The following GRID2 variants were observed in gnomAD, a reference collection of about 807,000 sequenced individuals.
GRID2 encodes the protein glutamate ionotropic receptor delta type subunit 2, also known as glutamate receptor ionotropic, delta-2.
A neutral mutation model predicts 114.8 loss-of-function variants in GRID2; 33 were observed. That is an observed-to-expected ratio of 0.29 (90% confidence interval 0.22 to 0.38). The LOEUF (loss-of-function observed/expected upper bound fraction) is 0.38. Ranked by LOEUF, GRID2 falls within the 10% of genes least tolerant of loss-of-function variation. The probability of loss-of-function intolerance (pLI) is 1.00; values close to 1 mark genes in which losing one functional copy is unlikely to be tolerated. For missense variants in GRID2, 1,184 were observed against 1,257.7 expected, an observed-to-expected ratio of 0.94 and a Z score of 0.89; for synonymous variants, 505 against 449.9, an observed-to-expected ratio of 1.12 and a Z score of -1.55.
At chr4:93,793,724 C>G (rs958605964) in intron 1 of GRID2, among the ~76,000 whole-genome samples, 2 of 152,102 alleles carry the variant, frequency 1.3e-5, no homozygotes, top group Non-Finnish European at 2.9e-5. Flanking sequence ...ACACATAAGT[C>G]AAGAAGAATT....
chr4:92,716,952 A>C (rs1735581929), intron 2 of GRID2, among the ~76,000 whole-genome samples: 1 of 152,206 alleles, frequency 6.6e-6, no homozygotes, highest in Non-Finnish European at 1.5e-5. Context: ...AGGAGATGAC[A>C]AGAATCATAA....
At chr4:92,857,862 T>TA (rs1744278737) in intron 2 of GRID2, among the ~76,000 whole-genome samples, 1 of 152,196 alleles carries the variant, frequency 6.6e-6, no homozygotes, top group Non-Finnish European at 1.5e-5. Context: ...CTGACTCTCT[T>TA]GTTATGGGCT....
intron 4 of GRID2, among the ~76,000 whole-genome samples, chr4:93,117,609 C>T (rs1733394937): frequency 6.6e-6 from 1 of 152,090 alleles, no homozygotes; most frequent in Non-Finnish European, 1.5e-5. Flanking sequence ...TCCTCTATGA[C>T]AAGCAAGTGT....
At chr4:93,398,133 G>GTGTGTGTGTATGTA in intron 9 of GRID2, among the ~76,000 whole-genome samples, 4 of 122,348 alleles carry the variant, frequency 3.3e-5, no homozygotes, top group Non-Finnish European at 4.9e-5. Flanking sequence ...ATGTGTGTGT[G>GTGTGTGTGTATGTA]TATATATATA....
At chr4:92,914,928 T>C (rs908704282) in intron 2 of GRID2, among the ~76,000 whole-genome samples, 1 of 152,154 alleles carries the variant, frequency 6.6e-6, no homozygotes, top group African/African-American at 2.4e-5. Flanking sequence ...CCTTTGCATA[T>C]GTATTAGTCT....
At chr4:93,393,955 A>G (rs535730683) in intron 8 of GRID2, among the ~76,000 whole-genome samples, 1 of 152,122 alleles carries the variant, frequency 6.6e-6, no homozygotes, top group South Asian at 2.1e-4. Context: ...TAAGCTTAAA[A>G]TTAAGTTATA....
intron 4 of GRID2, among the ~76,000 whole-genome samples, chr4:93,205,356 G>A (rs527499345): frequency 2.6e-5 from 4 of 152,060 alleles, no homozygotes; most frequent in Admixed American, 2.0e-4. Flanking sequence ...CCCTTCCCGT[G>A]TCCATGTGTT....
intron 13 of GRID2, among the ~76,000 whole-genome samples, chr4:93,606,004 C>T (rs559184492): frequency 4.6e-5 from 7 of 152,244 alleles, no homozygotes; most frequent in East Asian, 1.9e-4. Context: ...TGGTGGCTCA[C>T]GCCTGTAACC....
rs546771319 is a variant in GRID2, at chr4:93,679,974, T to G, written c.2360+53539T>G. On this transcript the variant is annotated intron_variant, in intron 14 of 15. Coordinates refer to ENST00000282020, the MANE Select transcript of GRID2 (RefSeq NM_001510.4). The stretch of plus-strand genomic sequence containing the variant: ...GAGACCAAAAAAACCTTTCAAAAAA[T>G]TAATGAATCCAGGAGCTGGTTTTTT... Among the ~76,000 whole-genome samples, 4 of 151,028 alleles carry G rather than the reference T, an allele frequency of 2.6e-5. No individual in the cohort carries two copies. The East Asian group carries it at 7.7e-4, about 29-fold the overall frequency.
At chr4:92,776,824 G>A (rs1005195749) in intron 2 of GRID2, among the ~76,000 whole-genome samples, 1 of 151,934 alleles carries the variant, frequency 6.6e-6, no homozygotes, top group African/African-American at 2.4e-5. Context: ...TCACTCTAGA[G>A]TATATTAATG....
chr4:92,617,314 C>T (rs772709985), intron 2 of GRID2, among the ~76,000 whole-genome samples: 3 of 151,246 alleles, frequency 2.0e-5, no homozygotes, highest in Non-Finnish European at 3.0e-5. Flanking sequence ...CCTATCAACC[C>T]GTCATCTAGC....
At chr4:93,245,565 G>T (rs189005304) in intron 8 of GRID2, among the ~76,000 whole-genome samples, 142 of 152,184 alleles carry the variant, frequency 9.3e-4, no homozygotes, top group African/African-American at 3.2e-3. Context: ...AAGTTTATTC[G>T]GACCATTAGT....
At chr4:92,715,020 T>C (rs1006265145) in intron 2 of GRID2, among the ~76,000 whole-genome samples, 2 of 152,206 alleles carry the variant, frequency 1.3e-5, no homozygotes, top group African/African-American at 4.8e-5. Flanking sequence ...TTCTATCATA[T>C]TGTCAGGTTG....
chr4:92,328,935 A>G (rs1297531106), intron 1 of GRID2, among the ~76,000 whole-genome samples: 1 of 152,016 alleles, frequency 6.6e-6, no homozygotes, highest in Non-Finnish European at 1.5e-5. Flanking sequence ...TTTTAGCAGA[A>G]AAGAGAAGAT....
At chr4:92,545,870 A>T (rs13122314) in intron 1 of GRID2, among the ~76,000 whole-genome samples, 33,196 of 151,996 alleles carry the variant, frequency 0.22, 3,874 homozygotes, top group South Asian at 0.3. Context: ...GCCTTAAGTA[A>T]AGGCTAACAT....
rs563160146 is a variant in GRID2 at position 93,517,774 on chromosome 4, T to G, written c.2193+2363T>G. On this transcript the variant is annotated intron_variant, in intron 13 of 15. Coordinates refer to ENST00000282020, the MANE Select transcript of GRID2 (RefSeq NM_001510.4). ...CTTGAACATTTCACACAGCAGCTTT[T>G]TATTCTCTGTCATTGATTTCTAATT... Among the ~76,000 whole-genome samples the G allele has an allele frequency of 2.4e-4, 37 of 151,764 alleles. No individual in the cohort carries two copies. In the South Asian group the frequency reaches 7.7e-3, roughly 32 times the overall value.
At chr4:92,362,245 T>C (rs1197068756) in intron 1 of GRID2, among the ~76,000 whole-genome samples, 1 of 151,964 alleles carries the variant, frequency 6.6e-6, no homozygotes, top group Admixed American at 6.6e-5. Context: ...CAGTAGCAAA[T>C]CTTCAAACAG....
chr4:92,877,084 T>TA (rs933681223), intron 2 of GRID2, among the ~76,000 whole-genome samples: 5 of 152,190 alleles, frequency 3.3e-5, no homozygotes, highest in African/African-American at 9.7e-5. Flanking sequence ...CAAATTTTTT[T>TA]AAAAAACTCT....
At chr4:93,598,484 G>A (rs1044073545) in intron 13 of GRID2, among the ~76,000 whole-genome samples, 3 of 152,002 alleles carry the variant, frequency 2.0e-5, no homozygotes, top group African/African-American at 7.2e-5. Context: ...TTTCTAATAG[G>A]TTTCTTGCTG....
Sources: allele counts gnomAD v4.1 joint callset (sites outside exome capture counted in the v4.1 genomes callset), GRCh38; gene constraint gnomAD v4.1.1; transcripts MANE v1.5; gene names NCBI Gene and HGNC (gene_info 2026-07-23, HGNC 2026-07-21).